Variants in PAXIP1 observed in about 807,000 individuals in gnomAD.
PAXIP1 encodes PAX interacting protein 1.
PAXIP1 carries 19 observed loss-of-function variants against 140.6 expected under a neutral mutation model. The observed-to-expected ratio is 0.14, with a 90% CI of 0.09 to 0.20. The LOEUF (loss-of-function observed/expected upper bound fraction) is 0.20. Among genes scored for constraint, PAXIP1 ranks in the 10% least tolerant of loss-of-function variants. The probability of loss-of-function intolerance (pLI) is 1.00; values close to 1 mark genes in which losing one functional copy is unlikely to be tolerated. For synonymous variants in PAXIP1, 442 were observed against 444.6 expected (o/e 0.99, Z 0.07); for missense variants, 920 against 1,208.6 (o/e 0.76, Z 3.54).
In PAXIP1 at chr7:154,957,293, C is replaced by G. The variant is rs1472145416; in HGVS notation, c.2480G>C (p.Ser827Thr). The change falls in exon 14 of 21, where the codon AGT becomes ACT. Residue 827 changes from serine to threonine, a missense_variant and splice_region_variant. By Grantham distance (58) the Ser-to-Thr change is moderately conservative. Coordinates refer to ENST00000404141, the MANE Select transcript of PAXIP1 (RefSeq NM_007349.4). ...PLKVSAELLMSIRLPPKLKQN... is the reference protein window; with the variant it reads ...PLKVSAELLMTIRLPPKLKQN... ...TTTCAGTTTGGGAGGTAGTCTTATACTCTGCAATTAAAATATTGTCGACTT... is the reference window on the plus strand; with the variant it reads ...TTTCAGTTTGGGAGGTAGTCTTATAGTCTGCAATTAAAATATTGTCGACTT... 3 of 1,580,094 alleles carry G rather than the reference C, an allele frequency of 1.9e-6. No individual in the cohort carries two copies. In the East Asian group the frequency reaches 6.7e-5, roughly 35 times the overall value.
chr7:154,976,482 C>G (rs976046824), intron 5 of PAXIP1, among the ~76,000 whole-genome samples, 151 bp from the exon 6 acceptor site: 2 of 152,208 alleles, frequency 1.3e-5, no homozygotes, highest in Admixed American at 6.5e-5. Flanking sequence ...AACGTTTGAT[C>G]TTTTAGACAG....
rs571376365 is a variant in PAXIP1 at position 155,003,013 on chromosome 7, C to A, written c.-84G>T. ...CGGCCCCCGCGGCGCCCGGCGCCCC[C>A]ACTCGCCCCGCCAACGGCCCTGCCC... On this transcript the variant is annotated 5_prime_UTR_variant, in exon 1 of 21. Transcript: ENST00000404141. 5.3e-5 allele frequency: 26 copies of A among 491,142 alleles called. No individual in the cohort carries two copies. The South Asian group carries it at 1.3e-3, about 25-fold the overall frequency. The allele number at this position is 491,142 out of a possible 1,614,324, so 30.4% of individuals were successfully genotyped here.
intron 5 of PAXIP1, among the ~76,000 whole-genome samples, chr7:154,982,898 A>T (rs975173618): frequency 1.3e-5 from 2 of 152,256 alleles, no homozygotes; most frequent in Non-Finnish European, 2.9e-5. Flanking sequence ...CGGGAACTAA[A>T]AATACATTTT....
rs746377436 is a variant in PAXIP1, at chr7:154,960,897, A to C, written c.2430T>G (p.Leu810=). ...AGCATGTAGAATTTCACTTACCTAA[A>C]AGATTTAAAACTAAATGCTGGGTAG... ...FAPTQHLVLN[L]LDAWRVPLKV... The change falls in exon 12 of 21, where the codon CTT becomes CTG. Residue 810 remains leucine, a synonymous_variant. Coordinates refer to ENST00000404141, the MANE Select transcript of PAXIP1 (RefSeq NM_007349.4). The C allele has an allele frequency of 4.5e-6, 7 of 1,566,996 alleles. No individual in the cohort carries two copies. The East Asian group carries it at 1.4e-4, about 31-fold the overall frequency.
rs1810333197 is a variant in PAXIP1 at position 154,991,575 on chromosome 7, A to G, written c.261-506T>C. On this transcript the variant is annotated intron_variant, in intron 3 of 20. Transcript: ENST00000404141. Reference sequence around the variant, plus strand: ...CTAACTTTGTGAACTTAGGCAAGACAACTGTGAGCTTCAATTTCCCCTTTT... The same window carrying G: ...CTAACTTTGTGAACTTAGGCAAGACGACTGTGAGCTTCAATTTCCCCTTTT... Among the ~76,000 whole-genome samples the G allele has an allele frequency of 1.3e-5, 2 of 152,218 alleles. 1 individual carries two copies. The highest frequency in any genetic ancestry group is 4.8e-5 in the African/African-American group (2 of 41,448).
At chr7:154,953,233 T>C (rs1480344397) in intron 16 of PAXIP1, among the ~76,000 whole-genome samples, 8 of 152,178 alleles carry the variant, frequency 5.3e-5, no homozygotes, top group Non-Finnish European at 4.4e-5. Flanking sequence ...CTTTGGCAGC[T>C]GTATCTTTCT....
At chr7:154,952,858 T>C (rs1452022872) in intron 16 of PAXIP1, among the ~76,000 whole-genome samples, 1 of 152,222 alleles carries the variant, frequency 6.6e-6, no homozygotes, top group Non-Finnish European at 1.5e-5. Flanking sequence ...TGATTTATTC[T>C]TTCCTGAGTC....
intron 4 of PAXIP1, chr7:154,985,967 G>A: frequency 7.6e-7 from 1 of 1,315,224 alleles, no homozygotes; most frequent in Admixed American, 2.1e-5. Flanking sequence ...TTCAAATCAT[G>A]ACCTAGCCAG....
At chr7:154,995,914 GAAAAATATCTCAATTTAA>G (rs1810580301) in intron 2 of PAXIP1, among the ~76,000 whole-genome samples, 1 of 152,158 alleles carries the variant, frequency 6.6e-6, no homozygotes, top group Non-Finnish European at 1.5e-5. Context: ...AGGCCACTGA[GAAAAATATCTCAATTTAA>G]AAAATAATTT....
chr7:154,985,972 A>G (rs1810051642), intron 4 of PAXIP1: 1 of 1,331,798 alleles, frequency 7.5e-7, no homozygotes, highest in South Asian at 1.2e-5. Context: ...ATCATGACCT[A>G]GCCAGGCTCT....
chr7:154,998,809 A>C, intron 1 of PAXIP1, 25 bp from the exon 2 acceptor site: 1 of 1,596,530 alleles, frequency 6.3e-7, no homozygotes, highest in Non-Finnish European at 8.6e-7. Context: ...AATCCACACA[A>C]ATTAAAATGG....
chr7:154,967,759 T>C (rs1303759201), intron 8 of PAXIP1, 57 bp downstream of exon 8: 1 of 1,186,500 alleles, frequency 8.4e-7, no homozygotes, highest in East Asian at 2.3e-5. Flanking sequence ...CAGTTACATC[T>C]ACATAAGAAA....
intron 20 of PAXIP1, 180 bp from the exon 21 acceptor site, chr7:154,944,344 C>T (rs1343524721): frequency 1.3e-5 from 7 of 522,700 alleles, no homozygotes; most frequent in South Asian, 5.0e-5. Context: ...CCCTCAGCCC[C>T]GACACACAGG....
intron 1 of PAXIP1, among the ~76,000 whole-genome samples, chr7:154,999,042 G>A (rs1810768770): frequency 6.6e-6 from 1 of 152,240 alleles, no homozygotes. Context: ...AGTGGACATG[G>A]TCTGTCCTCA....
chr7:154,998,689 C>T lies in PAXIP1; in HGVS notation c.177G>A (p.Val59=). Residue 59 remains valine (V), a synonymous_variant, in exon 2 of 21, where the codon GTG becomes GTA. Coordinates refer to ENST00000404141, the MANE Select transcript of PAXIP1 (RefSeq NM_007349.4). ...IISEDGDNPE[V]GEAREVFDLP... ...AGTCAAAGACTTCCCGAGCTTCTCC[C>T]ACCTCTGGATTGTCCCCATCCTCTG... is the stretch of plus-strand genomic sequence containing the variant. 6.2e-7 allele frequency: 1 copy of T among 1,613,586 alleles called. No homozygotes were observed. The highest frequency in any genetic ancestry group is 8.5e-7 in the Non-Finnish European group (1 of 1,179,592).
intron 1 of PAXIP1, among the ~76,000 whole-genome samples, chr7:154,999,019 T>C (rs776212756): frequency 2.7e-4 from 41 of 152,180 alleles, no homozygotes; most frequent in African/African-American, 1.7e-4. Context: ...ATGGAGGCTA[T>C]TGTGAGTCCA....
chr7:154,955,655 T>C, intron 14 of PAXIP1, 24 bp from the exon 15 acceptor site: 1 of 1,249,246 alleles, frequency 8.0e-7, no homozygotes, highest in African/African-American at 1.5e-5. Context: ...ACACATAAAA[T>C]AGTAGTGATT....
At chr7:154,964,833 T>C (rs1309156129) in intron 8 of PAXIP1, 1 of 152,224 alleles carries the variant, frequency 6.6e-6, no homozygotes, top group East Asian at 1.9e-4. Flanking sequence ...AGAGTTCCTT[T>C]CTGGTATAAA....
intron 13 of PAXIP1, among the ~76,000 whole-genome samples, chr7:154,957,763 C>T (rs1170958832): frequency 4.0e-5 from 6 of 150,686 alleles, no homozygotes; most frequent in Non-Finnish European, 5.9e-5. Flanking sequence ...GTCAGGAGAT[C>T]GAGACCATCC....
Sources: allele counts gnomAD v4.1 joint callset (sites outside exome capture counted in the v4.1 genomes callset), GRCh38; gene constraint gnomAD v4.1.1; transcripts MANE v1.5; gene names NCBI Gene and HGNC (gene_info 2026-07-23, HGNC 2026-07-21).